The following USP12 variants were observed in gnomAD, a reference collection of about 807,000 sequenced individuals.
USP12 encodes ubiquitin specific peptidase 12, also known as ubiquitin carboxyl-terminal hydrolase 12.
A neutral mutation model predicts 45.5 loss-of-function variants in USP12; 19 were observed. The ratio of observed to expected loss-of-function variants is 0.42; its 90% confidence interval spans 0.29 to 0.61. USP12 has a LOEUF of 0.61. Ranked by LOEUF, USP12 falls within the 20% of genes least tolerant of loss-of-function variation. USP12 has a pLI of 0.22. For synonymous variants in USP12, 149 were observed against 148.8 expected, an observed-to-expected ratio of 1.00 and a Z score of -0.01; for missense variants, 242 against 447.7, an observed-to-expected ratio of 0.54 and a Z score of 4.15.
chr13:27,167,243 CAA>C (rs762259130), intron 1 of USP12, among the ~76,000 whole-genome samples: 4 of 150,906 alleles, frequency 2.7e-5, no homozygotes, highest in Non-Finnish European at 5.9e-5. Context: ...GCCTGGGCAA[CAA>C]GAGTGAAACT....
At chr13:27,138,270 AG>A (rs1876898852) in intron 1 of USP12, among the ~76,000 whole-genome samples, 1 of 152,252 alleles carries the variant, frequency 6.6e-6, no homozygotes, top group Non-Finnish European at 1.5e-5. Context: ...CGAAAGGCTC[AG>A]GGAGCTGAGA....
intron 1 of USP12, chr13:27,170,206 A>T (rs1326004478): frequency 5.0e-6 from 2 of 397,954 alleles, no homozygotes; most frequent in East Asian, 7.1e-5. Flanking sequence ...TTCATCCTTC[A>T]ATATGATTTC....
At chr13:27,086,775 G>A (rs17591685) in intron 6 of USP12, among the ~76,000 whole-genome samples, 8,558 of 152,060 alleles carry the variant, frequency 0.056, 290 homozygotes, top group Middle Eastern at 0.095. Context: ...CTTATCCAAC[G>A]GTCTTAGGTA....
chr13:27,135,101 A>G (rs1876740089), intron 1 of USP12, among the ~76,000 whole-genome samples: 1 of 152,162 alleles, frequency 6.6e-6, no homozygotes, highest in Non-Finnish European at 1.5e-5. Flanking sequence ...CCTGGGTAAC[A>G]TGGTGAAAGC....
chr13:27,139,042 ATTC>A (rs1057389078), intron 1 of USP12, among the ~76,000 whole-genome samples: 1 of 152,174 alleles, frequency 6.6e-6, no homozygotes, highest in African/African-American at 2.4e-5. Flanking sequence ...GAAGATTCTT[ATTC>A]TTTTTACTTT....
chr13:27,155,570 T>G (rs1297856177), intron 1 of USP12, among the ~76,000 whole-genome samples: 1 of 152,220 alleles, frequency 6.6e-6, no homozygotes, highest in African/African-American at 2.4e-5. Flanking sequence ...ACCTGGTTAG[T>G]TCATCTAATT....
At chr13:27,070,504 AT>A (rs567394814) in intron 8 of USP12, among the ~76,000 whole-genome samples, 152 of 145,464 alleles carry the variant, frequency 1.0e-3, no homozygotes, top group Non-Finnish European at 5.3e-4. Flanking sequence ...ACATGGCTTA[AT>A]TTTTTTTTTT....
chr13:27,133,220 C>T (rs774782279), intron 1 of USP12, among the ~76,000 whole-genome samples: 2 of 151,948 alleles, frequency 1.3e-5, no homozygotes, highest in Non-Finnish European at 2.9e-5. Flanking sequence ...AAACTTAACG[C>T]AAACACCACA....
At chr13:27,102,837 A>G (rs74041187) in intron 3 of USP12, among the ~76,000 whole-genome samples, 9,853 of 152,248 alleles carry the variant, frequency 0.065, 362 homozygotes, top group African/African-American at 0.087. Flanking sequence ...ATCAGTTCCT[A>G]AACAGTGTCT....
At chr13:27,138,693 G>A (rs1226966277) in intron 1 of USP12, among the ~76,000 whole-genome samples, 1 of 152,168 alleles carries the variant, frequency 6.6e-6, no homozygotes, top group Non-Finnish European at 1.5e-5. Context: ...CTTGCCATGT[G>A]ACAGGCTGTT....
At chr13:27,164,964 C>T (rs1566009696) in intron 1 of USP12, among the ~76,000 whole-genome samples, 1 of 151,488 alleles carries the variant, frequency 6.6e-6, no homozygotes, top group Non-Finnish European at 1.5e-5. Flanking sequence ...ATAATATGGC[C>T]TCAGTAAACA....
intron 2 of USP12, among the ~76,000 whole-genome samples, chr13:27,113,033 A>G (rs1041117026): frequency 8.5e-5 from 13 of 152,172 alleles, no homozygotes; most frequent in African/African-American, 3.1e-4. Context: ...CAGGGATTCA[A>G]CACCAGCATG....
chr13:27,170,330 C>T (rs1593221431), intron 1 of USP12: 2 of 398,548 alleles, frequency 5.0e-6, no homozygotes, highest in East Asian at 7.1e-5. Flanking sequence ...TTCACCACTC[C>T]TTAAAGAAAA....
intron 1 of USP12, chr13:27,170,045 G>A (rs1272889106): frequency 3.0e-6 from 1 of 333,712 alleles, no homozygotes; most frequent in East Asian, 4.5e-5. Context: ...TTTTGAAATT[G>A]ACTAAGATAA....
intron 6 of USP12, among the ~76,000 whole-genome samples, chr13:27,075,875 C>G (rs948256313): frequency 6.6e-6 from 1 of 151,878 alleles, no homozygotes; most frequent in Admixed American, 6.6e-5. Flanking sequence ...ACTAAAAATA[C>G]AAAAAATAGC....
At chr13:27,167,888 C>A (rs1206635004) in intron 1 of USP12, among the ~76,000 whole-genome samples, 2 of 152,066 alleles carry the variant, frequency 1.3e-5, no homozygotes, top group Non-Finnish European at 2.9e-5. Context: ...CCACACATAC[C>A]CTTACCTGGA....
chr13:27,124,793 A>C (rs922786649), intron 1 of USP12, among the ~76,000 whole-genome samples: 1 of 152,258 alleles, frequency 6.6e-6, no homozygotes, highest in Non-Finnish European at 1.5e-5. Flanking sequence ...TCATCTCATA[A>C]ATGAGAAAGG....
At chr13:27,104,261 G>C (rs1875022858) in intron 3 of USP12, among the ~76,000 whole-genome samples, 1 of 152,098 alleles carries the variant, frequency 6.6e-6, no homozygotes, top group Admixed American at 6.6e-5. Context: ...AAACTCTTGG[G>C]CTCAAGCAGT....
At chr13:27,130,718 G>A (rs1245236765) in intron 1 of USP12, among the ~76,000 whole-genome samples, 1 of 152,196 alleles carries the variant, frequency 6.6e-6, no homozygotes, top group Non-Finnish European at 1.5e-5. Context: ...AACAAGAGCT[G>A]AGCACGCTTA....
Sources: allele counts gnomAD v4.1 joint callset (sites outside exome capture counted in the v4.1 genomes callset), GRCh38; gene constraint gnomAD v4.1.1; transcripts MANE v1.5; gene names NCBI Gene and HGNC (gene_info 2026-07-23, HGNC 2026-07-21).